The following GGT1 variants were observed in gnomAD, a reference collection of about 807,000 sequenced individuals.
The protein encoded by GGT1 is gamma-glutamyltransferase 1.
GGT1 carries 21 observed loss-of-function variants against 56.0 expected under a neutral mutation model. The ratio of observed to expected loss-of-function variants is 0.38; its 90% confidence interval spans 0.27 to 0.54. GGT1 has a LOEUF of 0.54. GGT1 is among the 20% of genes least tolerant of loss of function. The probability of loss-of-function intolerance (pLI) is 0.82; values close to 1 mark genes in which losing one functional copy is unlikely to be tolerated. For missense variants in GGT1, 466 were observed against 787.0 expected (o/e 0.59, Z 4.88); for synonymous variants, 238 against 342.6 (o/e 0.69, Z 3.37).
intron 11 of GGT1, among the ~76,000 whole-genome samples, chr22:24,624,966 C>T (rs1205658777): frequency 6.6e-6 from 1 of 152,038 alleles, no homozygotes; most frequent in South Asian, 2.1e-4. Flanking sequence ...ACACTCTCCT[C>T]GAGTTTTCAT....
chr22:24,600,718 A>C (rs578250968), upstream of GGT1, among the ~76,000 whole-genome samples: 1 of 152,276 alleles, frequency 6.6e-6, no homozygotes, highest in Non-Finnish European at 1.5e-5. Flanking sequence ...TCTTCCTCCC[A>C]TTCCTTCAGT....
At chr22:24,613,137 AT>A (rs747981282) in intron 5 of GGT1, among the ~76,000 whole-genome samples, 111 of 152,284 alleles carry the variant, frequency 7.3e-4, no homozygotes, top group Non-Finnish European at 1.4e-3. Context: ...GTGCAGTGGC[AT>A]GATCATAGCT....
rs1014208729 is a variant in GGT1, at chr22:24,610,483, G to T, written c.-56G>T. The stretch of plus-strand genomic sequence containing the variant: ...TTTCCACCAAATCCTCCTGTCTTTC[G>T]TGGCCAACACCCCAGGCAAGGCTTG... On this transcript the variant is annotated 5_prime_UTR_variant, in exon 4 of 16. Coordinates refer to ENST00000400382, the MANE Select transcript of GGT1 (RefSeq NM_001288833.2). 1 of 163,064 alleles carries T rather than the reference G, an allele frequency of 6.1e-6. No homozygotes were observed. Among genetic ancestry groups the T allele is most frequent in the Non-Finnish European group, 1.3e-5 (1 of 74,846 alleles). 10.1% of individuals were successfully genotyped at this position (163,064 alleles called of 1,614,324 possible).
intron 7 of GGT1, among the ~76,000 whole-genome samples, chr22:24,619,344 G>A (rs910729809): frequency 2.7e-5 from 4 of 148,976 alleles, no homozygotes; most frequent in Non-Finnish European, 5.9e-5. Flanking sequence ...GTTGGAGTGA[G>A]CCAAGATTGT....
Position 24,627,836 on chromosome 22 carries a change from C to G in GGT1, c.1209-16C>G, listed in dbSNP as rs560846315. The G allele has an allele frequency of 2.5e-6, 4 of 1,608,968 alleles. No homozygotes were observed. Among genetic ancestry groups the G allele is most frequent in the Non-Finnish European group, 2.5e-6 (3 of 1,177,264 alleles). On this transcript the variant is annotated splice_polypyrimidine_tract_variant and intron_variant, in intron 12 of 15. Transcript: ENST00000400382. ...CCAGGCAAGGTCGGGCACTGTCTGA[C>G]CTGGCTGGGCGGTAGCTTTGGCTCC... is the stretch of plus-strand genomic sequence containing the variant.
upstream of GGT1, among the ~76,000 whole-genome samples, chr22:24,600,361 G>A (rs192791883): frequency 1.3e-5 from 2 of 152,358 alleles, no homozygotes; most frequent in Non-Finnish European, 2.9e-5. Context: ...CACACTATCA[G>A]TGGCTGGGGT....
intron 1 of GGT1, among the ~76,000 whole-genome samples, chr22:24,604,902 T>A (rs2045937771): frequency 6.8e-6 from 1 of 147,640 alleles, no homozygotes; most frequent in African/African-American, 2.5e-5. Flanking sequence ...TGAAGGCAGC[T>A]CTGTCTCCCT....
At chr22:24,592,706 C>G, upstream of GGT1, 2 of 1,259,622 alleles carry the variant, frequency 1.6e-6, no homozygotes, top group East Asian at 6.7e-5. Flanking sequence ...TGCAGCCTGT[C>G]GCGCCCTCGG....
chr22:24,612,835 T>A (rs1156755452), intron 5 of GGT1, among the ~76,000 whole-genome samples: 6 of 151,964 alleles, frequency 3.9e-5, no homozygotes, highest in Non-Finnish European at 7.4e-5. Context: ...CCGGGCTTAT[T>A]CTTTTTTTAA....
chr22:24,588,656 C>A, the GGT1 span: 1 of 1,142,670 alleles, frequency 8.8e-7, no homozygotes, highest in Non-Finnish European at 1.1e-6. Flanking sequence ...CCTGCCCACC[C>A]TCAGCACCCT....
At chr22:24,597,835 C>T (rs948775535) in intron 1 of GGT1, among the ~76,000 whole-genome samples, 4 of 152,200 alleles carry the variant, frequency 2.6e-5, no homozygotes, top group Non-Finnish European at 5.9e-5. Context: ...CAGCTGGTGT[C>T]TTCCAATTCA....
upstream of GGT1, among the ~76,000 whole-genome samples, chr22:24,602,749 C>A (rs569914370): frequency 4.6e-5 from 7 of 152,266 alleles, no homozygotes; most frequent in Middle Eastern, 6.8e-3. Flanking sequence ...GTCCTGCAAG[C>A]TGGGGAGAGG....
chr22:24,615,340 C>G (rs187872370), intron 7 of GGT1, among the ~76,000 whole-genome samples: 23 of 152,284 alleles, frequency 1.5e-4, no homozygotes, highest in Non-Finnish European at 2.8e-4. Context: ...TCTGCTAAGG[C>G]CTCCGGGGCC....
Position 24,620,086 on chromosome 22 carries a change from C to T in GGT1, c.383-242C>T, listed in dbSNP as rs1219515344. On this transcript the variant is annotated intron_variant, in intron 7 of 15. Coordinates refer to ENST00000400382, the MANE Select transcript of GGT1 (RefSeq NM_001288833.2). This position sits in a 1 kb window ranked among gnomAD's most constrained non-coding sequence, Gnocchi z 5.6. ...ATCCCCTTCTGCTAGGTGTGCTGTT[C>T]ACGCCTGTAATCTCAGCGACTCAGG... 6.6e-6 allele frequency among the ~76,000 whole-genome samples: 1 copy of T among 152,000 alleles called. No individual in the cohort carries two copies. The highest frequency in any genetic ancestry group is 1.5e-5 in the Non-Finnish European group (1 of 67,988).
Position 24,628,216 on chromosome 22 carries a change from C to G in GGT1, c.1449+23C>G. On this transcript the variant is annotated intron_variant, in intron 14 of 15. Transcript: ENST00000400382. This position sits in a 1 kb window ranked among gnomAD's most constrained non-coding sequence, Gnocchi z 5.7. ...CTGGTATGTGTCACACCTTTTCTCC[C>G]TGGCCGTGCCCACCCTGCACAGCCC... The G allele has an allele frequency of 6.2e-7, 1 of 1,612,062 alleles. No individual in the cohort carries two copies.
At chr22:24,625,548 G>T (rs1238783811) in intron 11 of GGT1, among the ~76,000 whole-genome samples, 1 of 146,998 alleles carries the variant, frequency 6.8e-6, no homozygotes, top group Non-Finnish European at 1.5e-5. Flanking sequence ...TTACAGGTGT[G>T]TTTTTTTTTT....
intron 1 of GGT1, among the ~76,000 whole-genome samples, chr22:24,603,785 G>A (rs537256659): frequency 5.9e-4 from 90 of 151,680 alleles, no homozygotes; most frequent in African/African-American, 2.1e-3. Context: ...CTCTGGAGTA[G>A]AGCCAGAGCT....
At chr22:24,585,967 G>C in the GGT1 span, 1 of 1,609,838 alleles carries the variant, frequency 6.2e-7, no homozygotes, top group Non-Finnish European at 8.5e-7. Flanking sequence ...TGGTGGCCCC[G>C]GCCGCACTGC....
At chr22:24,626,944 C>A (rs9624512) in intron 11 of GGT1, among the ~76,000 whole-genome samples, 33,131 of 146,250 alleles carry the variant, frequency 0.23, 3,416 homozygotes, top group African/African-American at 0.29. Flanking sequence ...CCATTTAGGC[C>A]ACATTCCAGG....
Sources: gnomAD v4.1 joint callset for allele counts (sites outside exome capture counted in the v4.1 genomes callset) on GRCh38, gnomAD v4.1.1 for gene constraint, Gnocchi (gnomAD v3.1) non-coding constraint, MANE v1.5 for transcripts, NCBI Gene and HGNC (gene_info 2026-07-23, HGNC 2026-07-21) for gene names.